LIMK2: variants seen among roughly 807,000 people sequenced by gnomAD.
LIMK2 encodes LIM domain kinase 2.
LIMK2 carries 35 observed loss-of-function variants against 75.7 expected under a neutral mutation model. That is an observed-to-expected ratio of 0.46 (90% CI 0.35 to 0.61). The LOEUF is 0.61. Ranked by LOEUF, LIMK2 falls within the 20% of genes least tolerant of loss-of-function variation. The pLI, the probability that LIMK2 is intolerant of heterozygous loss-of-function variation, is 0.00. For missense variants in LIMK2, 623 were observed against 831.0 expected (o/e 0.75, Z 3.08); for synonymous variants, 301 against 319.2 (o/e 0.94, Z 0.61).
intron 2 of LIMK2, among the ~76,000 whole-genome samples, chr22:31,229,871 G>A (rs1220917817): frequency 6.6e-6 from 1 of 152,148 alleles, no homozygotes; most frequent in Non-Finnish European, 1.5e-5. Context: ...ACCTCAGACT[G>A]TGCAATGGAG....
intron 4 of LIMK2, 101 bp from the exon 5 acceptor site, chr22:31,259,788 G>T: frequency 1.0e-6 from 1 of 970,878 alleles, no homozygotes; most frequent in South Asian, 1.9e-5. Flanking sequence ...GTGGTAGTGA[G>T]ACTATGGGTA....
intron 15 of LIMK2, chr22:31,277,220 G>C: frequency 6.3e-7 from 1 of 1,596,568 alleles, no homozygotes; most frequent in East Asian, 2.2e-5. Context: ...AATACCGGGG[G>C]ACCCTGCGGC....
intron 2 of LIMK2, among the ~76,000 whole-genome samples, chr22:31,255,996 T>C (rs2048775947): frequency 9.1e-6 from 1 of 110,334 alleles, no homozygotes; most frequent in African/African-American, 3.6e-5. Context: ...TTTTTTTTTT[T>C]TTTTTTTTTT....
chr22:31,242,801 A>G (rs1011225055), intron 2 of LIMK2, among the ~76,000 whole-genome samples: 4 of 152,254 alleles, frequency 2.6e-5, no homozygotes, highest in Non-Finnish European at 5.9e-5. Context: ...AGTAGCAGAT[A>G]CTAAACTCTC....
chr22:31,244,610 C>T (rs1980551797), intron 2 of LIMK2, among the ~76,000 whole-genome samples: 2 of 152,076 alleles, frequency 1.3e-5, no homozygotes, highest in Non-Finnish European at 2.9e-5. Flanking sequence ...ATAGAGAGCC[C>T]TCTGCAACCT....
intron 15 of LIMK2, chr22:31,275,612 TG>T: frequency 3.4e-6 from 1 of 291,654 alleles, no homozygotes. Flanking sequence ...GATATTCCCC[TG>T]TCCATATCTA....
chr22:31,255,932 A>C (rs1160405637), intron 2 of LIMK2, among the ~76,000 whole-genome samples: 1 of 135,550 alleles, frequency 7.4e-6, no homozygotes, highest in Admixed American at 8.0e-5. Context: ...CATTGTCATC[A>C]TCTTTAATAG....
chr22:31,278,338 C>T lies in LIMK2; in HGVS notation c.1814C>T (p.Ser605Phe), dbSNP rs149034313. 4 of 1,613,904 alleles carry T rather than the reference C, an allele frequency of 2.5e-6. No homozygotes were observed. The Admixed American group carries it at 6.7e-5, about 27-fold the overall frequency. ...SKLEDSFEAL[S>F]LYLGELGIPL... ...TTGGAGGACTCCTTTGAGGCCCTCT[C>T]CCTGTACCTGGGGGAGCTGGGCATC... Residue 605 changes from serine (S) to phenylalanine (F), a missense_variant, in exon 16 of 16, where the codon TCC becomes TTC. Ser to Phe is a radical substitution (Grantham distance 155). Coordinates refer to ENST00000331728, the MANE Select transcript of LIMK2 (RefSeq NM_005569.4).
chr22:31,235,324 A>G (rs1293838958), intron 2 of LIMK2, among the ~76,000 whole-genome samples: 2 of 152,206 alleles, frequency 1.3e-5, no homozygotes, highest in African/African-American at 4.8e-5. Context: ...GTAAATGGCA[A>G]GACGGAATCA....
Position 31,276,711 on chromosome 22 carries a change from G to T in LIMK2, c.1772+1403G>T, listed in dbSNP as rs965475006. The T allele has an allele frequency of 1.1e-5, 15 of 1,359,726 alleles. No individual in the cohort carries two copies. In the Admixed American group the frequency reaches 1.9e-4, roughly 17 times the overall value. The allele number at this position is 1,359,726 out of a possible 1,614,324, so 84.2% of individuals were successfully genotyped here. On this transcript the variant is annotated intron_variant, in intron 15 of 15. Transcript: ENST00000331728. ...CGCCGTGGCGGACAGCGGCACCGCG[G>T]GGGGCGCGGCGTTGGCGGCCCCGGC... is the stretch of plus-strand genomic sequence containing the variant.
At chr22:31,251,759 AT>A (rs541209482) in intron 2 of LIMK2, among the ~76,000 whole-genome samples, 1 of 152,164 alleles carries the variant, frequency 6.6e-6, no homozygotes, top group Non-Finnish European at 1.5e-5. Flanking sequence ...TAATAAAGGG[AT>A]TTTTGACTGA....
chr22:31,252,955 A>T (rs1216676418), intron 2 of LIMK2, among the ~76,000 whole-genome samples: 2 of 152,228 alleles, frequency 1.3e-5, no homozygotes, highest in Admixed American at 1.3e-4. Flanking sequence ...TATCTTTTTT[A>T]AAAAACTCAT....
intron 2 of LIMK2, among the ~76,000 whole-genome samples, chr22:31,256,426 C>A (rs1241911254): frequency 4.0e-5 from 6 of 151,364 alleles, no homozygotes; most frequent in African/African-American, 1.5e-4. Flanking sequence ...CTGCAACCTC[C>A]ACCTCCTGGG....
At chr22:31,277,575 G>A (rs1277696193) in intron 15 of LIMK2, 4 of 986,552 alleles carry the variant, frequency 4.1e-6, no homozygotes, top group Non-Finnish European at 4.8e-6. Context: ...CACAGTATTT[G>A]TTTTCTAATA....
intron 2 of LIMK2, among the ~76,000 whole-genome samples, chr22:31,235,468 T>C (rs1218269711): frequency 1.3e-5 from 2 of 152,194 alleles, no homozygotes; most frequent in Non-Finnish European, 2.9e-5. Context: ...GGAGTCCTTC[T>C]TTCCAGCAGC....
intron 2 of LIMK2, among the ~76,000 whole-genome samples, chr22:31,238,224 C>G (rs1213175019): frequency 5.3e-5 from 8 of 151,988 alleles, no homozygotes; most frequent in Non-Finnish European, 1.5e-5. Flanking sequence ...GATAAAGATG[C>G]TGAATCTAGA....
At chr22:31,222,779 TC>T in intron 1 of LIMK2, 1 of 152,120 alleles carries the variant, frequency 6.6e-6, no homozygotes, top group East Asian at 1.9e-4. Context: ...TTGCATGTCA[TC>T]CTTGCGCAGG....
rs144719111 is a variant in LIMK2 at position 31,275,258 on chromosome 22, G to C, written c.1722G>C (p.Pro574=). 3 of 1,614,054 alleles carry C rather than the reference G, an allele frequency of 1.9e-6. No homozygotes were observed. The highest frequency in any genetic ancestry group is 2.2e-5 in the East Asian group (1 of 44,894). ...WEKFVPTDCP[P]AFFPLAAICC... ...AGTTTGTTCCCACAGATTGTCCCCC[G>C]GCCTTCTTCCCGCTGGCCGCCATCT... Residue 574 remains proline, a synonymous_variant, in exon 15 of 16, where the codon CCG becomes CCC. Transcript: ENST00000331728.
At chr22:31,212,470 C>A in intron 1 of LIMK2, 46 bp downstream of exon 1, 1 of 1,314,994 alleles carries the variant, frequency 7.6e-7, no homozygotes, top group Non-Finnish European at 9.8e-7. Flanking sequence ...TCTCCGAAGT[C>A]CGGTTCCATG....
Sources: gnomAD v4.1 joint callset for allele counts (sites outside exome capture counted in the v4.1 genomes callset) on GRCh38, gnomAD v4.1.1 for gene constraint, MANE v1.5 for transcripts, NCBI Gene and HGNC (gene_info 2026-07-23, HGNC 2026-07-21) for gene names.